AGBL1: variants seen among roughly 807,000 people sequenced by gnomAD.
The protein encoded by AGBL1 is cytosolic carboxypeptidase 4.
Under a neutral mutation model 118.9 loss-of-function variants are expected in AGBL1, and 130 were observed. The ratio of observed to expected loss-of-function variants is 1.09; its 90% CI spans 0.95 to 1.26. The LOEUF (loss-of-function observed/expected upper bound fraction) is 1.26, where lower values mean the gene tolerates loss of function less well. Among genes scored for constraint, AGBL1 ranks in the 50% most tolerant of loss-of-function variants. AGBL1 has a pLI of 0.00. For missense variants in AGBL1, 1,584 were observed against 1,298.1 expected, an observed-to-expected ratio of 1.22 and a Z score of -3.38; for synonymous variants, 555 against 478.9, an observed-to-expected ratio of 1.16 and a Z score of -2.08.
intron 22 of AGBL1, among the ~76,000 whole-genome samples, chr15:86,779,128 G>A (rs570849914): frequency 9.2e-5 from 12 of 130,878 alleles, no homozygotes; most frequent in East Asian, 2.2e-4. Context: ...CCCTTCCTAC[G>A]GATCGTTCAC....
chr15:86,862,229 A>G (rs2079569432), intron 22 of AGBL1, among the ~76,000 whole-genome samples: 1 of 152,230 alleles, frequency 6.6e-6, no homozygotes, highest in African/African-American at 2.4e-5. Flanking sequence ...TGTATTGCAC[A>G]GAGAACCAGC....
intron 1 of AGBL1, among the ~76,000 whole-genome samples, chr15:86,092,756 G>A (rs532092964): frequency 1.6e-3 from 247 of 152,140 alleles, no homozygotes; most frequent in African/African-American, 5.5e-3. Flanking sequence ...GTGATAGAAG[G>A]CATCACATGA....
chr15:86,823,456 T>G (rs2078968310), intron 22 of AGBL1, among the ~76,000 whole-genome samples: 1 of 152,186 alleles, frequency 6.6e-6, no homozygotes, highest in African/African-American at 2.4e-5. Flanking sequence ...AAAATAATGC[T>G]TATACACTTC....
intron 6 of AGBL1, among the ~76,000 whole-genome samples, chr15:86,247,330 G>C (rs756655369): frequency 3.3e-5 from 5 of 152,220 alleles, no homozygotes; most frequent in African/African-American, 1.2e-4. Context: ...TTTTCAAGGA[G>C]TGGAGTGTAG....
At chr15:86,380,759 T>C (rs966240817) in intron 17 of AGBL1, among the ~76,000 whole-genome samples, 1 of 152,232 alleles carries the variant, frequency 6.6e-6, no homozygotes, top group African/African-American at 2.4e-5. Flanking sequence ...GCTCCAACTT[T>C]CAAATTGTGT....
At chr15:87,028,938 A>T (rs1041642560) in exon 25 of AGBL1, 105 of 1,364,884 alleles carry the variant, frequency 7.7e-5, no homozygotes, top group Non-Finnish European at 9.9e-5. Context: ...AAGATGTTGT[A>T]CATGTCTTAT....
chr15:86,831,252 A>G (rs2079100244), intron 22 of AGBL1, among the ~76,000 whole-genome samples: 1 of 152,204 alleles, frequency 6.6e-6, no homozygotes, highest in Non-Finnish European at 1.5e-5. Flanking sequence ...AAACCATATC[A>G]TTAAACCCCT....
intron 18 of AGBL1, among the ~76,000 whole-genome samples, chr15:86,454,891 A>G (rs2082241170): frequency 6.6e-6 from 1 of 152,180 alleles, no homozygotes; most frequent in African/African-American, 2.4e-5. Flanking sequence ...ATTAAACCTC[A>G]ATAATGTTAA....
intron 24 of AGBL1, among the ~76,000 whole-genome samples, chr15:86,995,298 A>T (rs1301360264): frequency 1.3e-5 from 2 of 152,146 alleles, no homozygotes; most frequent in African/African-American, 2.4e-5. Flanking sequence ...AGGTGGAAGG[A>T]TCACCTGAGC....
intron 3 of AGBL1, among the ~76,000 whole-genome samples, chr15:86,150,137 G>A (rs912735795): frequency 6.6e-6 from 1 of 152,182 alleles, no homozygotes; most frequent in African/African-American, 2.4e-5. Context: ...AGTCTGTAGA[G>A]GGAAATTTAT....
chr15:86,176,568 T>C (rs2077484546), intron 5 of AGBL1, among the ~76,000 whole-genome samples: 1 of 152,306 alleles, frequency 6.6e-6, no homozygotes, highest in East Asian at 1.9e-4. Flanking sequence ...GCTGGGGACC[T>C]GGCTGCAATG....
intron 22 of AGBL1, among the ~76,000 whole-genome samples, chr15:86,800,921 G>A (rs992559045): frequency 6.6e-6 from 1 of 152,092 alleles, no homozygotes; most frequent in Admixed American, 6.6e-5. Context: ...TTATAGAGAA[G>A]GTGACATTTT....
chr15:86,812,720 C>A (rs2078807061), intron 22 of AGBL1, among the ~76,000 whole-genome samples: 1 of 152,152 alleles, frequency 6.6e-6, no homozygotes, highest in Non-Finnish European at 1.5e-5. Context: ...TGCCTCCATG[C>A]ACTGCTGGAA....
chr15:87,029,806 TAC>T (rs138657268), downstream of AGBL1, among the ~76,000 whole-genome samples: 1 of 151,558 alleles, frequency 6.6e-6, no homozygotes, highest in African/African-American at 2.4e-5. Context: ...AAGGTGCACA[TAC>T]ACACACACAC....
At chr15:86,409,868 C>A (rs1387692257) in intron 18 of AGBL1, among the ~76,000 whole-genome samples, 1 of 152,078 alleles carries the variant, frequency 6.6e-6, no homozygotes, top group East Asian at 1.9e-4. Flanking sequence ...TCCTTCCTCC[C>A]CTCCTCTGAT....
At chr15:86,124,428 C>T (rs939479541) in intron 1 of AGBL1, among the ~76,000 whole-genome samples, 2 of 151,336 alleles carry the variant, frequency 1.3e-5, no homozygotes, top group African/African-American at 4.9e-5. Flanking sequence ...TTAGTTTTGA[C>T]AAATGTATCA....
At chr15:86,241,419 A>G (rs968576766) in intron 6 of AGBL1, among the ~76,000 whole-genome samples, 4 of 152,206 alleles carry the variant, frequency 2.6e-5, no homozygotes, top group Non-Finnish European at 5.9e-5. Flanking sequence ...TTTAATATTT[A>G]CAGATGATGG....
rs1316417370 is a variant in AGBL1 at position 86,247,789 on chromosome 15, G to A, written c.645G>A (p.Leu215=). The change falls in exon 7 of 23, where the codon CTG becomes CTA. Residue 215 remains leucine, a synonymous_variant. Coordinates refer to ENST00000614907, the MANE Select transcript of AGBL1 (RefSeq NM_001386094.1). ...NAYVQIRRGL[L]LCLRHIAALR... is the part of the protein sequence containing the mutation. ...ACGTGCAGATCCGACGGGGCTTGCT[G>A]CTCTGCCTCAGGCACATTGCTGCCC... The A allele has an allele frequency of 1.9e-6, 3 of 1,613,974 alleles. No individual in the cohort carries two copies. Among genetic ancestry groups the A allele is most frequent in the Admixed American group, 3.3e-5 (2 of 60,026 alleles).
intron 18 of AGBL1, among the ~76,000 whole-genome samples, chr15:86,421,929 A>G (rs2081796706): frequency 6.6e-6 from 1 of 152,236 alleles, no homozygotes; most frequent in Non-Finnish European, 1.5e-5. Context: ...CACCCAATAC[A>G]GGAACACCCA....
Sources: gnomAD v4.1 joint callset for allele counts (sites outside exome capture counted in the v4.1 genomes callset) on GRCh38, gnomAD v4.1.1 for gene constraint, MANE v1.5 for transcripts, NCBI Gene and HGNC (gene_info 2026-07-23, HGNC 2026-07-21) for gene names.